CDIN1: variants seen among roughly 807,000 people sequenced by gnomAD.
CDIN1 encodes CDAN1-interacting nuclease 1.
Under a neutral mutation model 45.3 loss-of-function variants are expected in CDIN1, and 33 were observed. The observed-to-expected ratio is 0.73, with a 90% CI of 0.55 to 0.97. The LOEUF (loss-of-function observed/expected upper bound fraction) is 0.97. Ranked by LOEUF, CDIN1 falls within the 50% of genes least tolerant of loss-of-function variation. The pLI is 0.00. For missense variants in CDIN1, 303 were observed against 339.4 expected, an observed-to-expected ratio of 0.89 and a Z score of 0.84; for synonymous variants, 118 against 124.4, an observed-to-expected ratio of 0.95 and a Z score of 0.34.
At chr15:36,757,596 C>G (rs1201957959) in intron 10 of CDIN1, among the ~76,000 whole-genome samples, 1 of 152,092 alleles carries the variant, frequency 6.6e-6, no homozygotes, top group Admixed American at 6.5e-5. Flanking sequence ...TCACAGCAGC[C>G]CGCTCCATCC....
chr15:36,675,518 T>C (rs2041616761), intron 5 of CDIN1, among the ~76,000 whole-genome samples: 1 of 152,154 alleles, frequency 6.6e-6, no homozygotes, highest in African/African-American at 2.4e-5. Context: ...CCCAAGAGTT[T>C]GCAGCATGTC....
At chr15:36,748,601 T>G (rs548243786) in intron 10 of CDIN1, among the ~76,000 whole-genome samples, 1 of 152,256 alleles carries the variant, frequency 6.6e-6, no homozygotes, top group Admixed American at 6.5e-5. Flanking sequence ...TTCCAAGGTC[T>G]CAGATACTTG....
Position 36,716,856 on chromosome 15 carries a change from A to C in CDIN1, c.716+6895A>C, listed in dbSNP as rs117801023. 5.4e-4 allele frequency among the ~76,000 whole-genome samples: 82 copies of C among 152,338 alleles called. 1 individual carries two copies. In the East Asian group the frequency reaches 0.014, roughly 27 times the overall value. On this transcript the variant is annotated intron_variant, in intron 10 of 10. Coordinates refer to ENST00000566621, the MANE Select transcript of CDIN1 (RefSeq NM_001321759.2). The stretch of plus-strand genomic sequence containing the variant: ...AACATTTACAGGCACTGTGTTAGGC[A>C]GTAGGGACTCAGCCCCTGCCTTTGA...
At chr15:36,696,631 A>G (rs1250833401) in intron 7 of CDIN1, 1 of 152,140 alleles carries the variant, frequency 6.6e-6, no homozygotes, top group Non-Finnish European at 1.5e-5. Context: ...ACCTTACCCA[A>G]CTGGCCTCAA....
intron 5 of CDIN1, among the ~76,000 whole-genome samples, chr15:36,659,572 A>G (rs769424929): frequency 8.6e-5 from 13 of 151,170 alleles, no homozygotes; most frequent in Non-Finnish European, 1.6e-4. Flanking sequence ...TTCTTTTATA[A>G]TTGGTTGGGT....
chr15:36,777,857 C>T (rs572185092), intron 10 of CDIN1, among the ~76,000 whole-genome samples: 118 of 152,282 alleles, frequency 7.7e-4, no homozygotes, highest in Non-Finnish European at 1.3e-3. Flanking sequence ...ACCATCTGCC[C>T]GCCTCGGCCT....
At chr15:36,761,940 G>A (rs147638813) in intron 10 of CDIN1, among the ~76,000 whole-genome samples, 2 of 152,298 alleles carry the variant, frequency 1.3e-5, no homozygotes, top group African/African-American at 4.8e-5. Context: ...AATAGCAGCT[G>A]TGACTGTGGA....
intron 1 of CDIN1, among the ~76,000 whole-genome samples, chr15:36,598,682 T>C (rs2037953511): frequency 6.6e-6 from 1 of 152,082 alleles, no homozygotes. Flanking sequence ...CCTCCCTTTC[T>C]ATTTTCCTCT....
intron 5 of CDIN1, among the ~76,000 whole-genome samples, chr15:36,662,492 TC>T (rs2041055452): frequency 7.3e-4 from 1 of 1,368 alleles, no homozygotes; most frequent in East Asian, 0.026. Flanking sequence ...AACCTGAGTT[TC>T]AGTATGCTAG....
At chr15:36,687,778 A>C (rs1283578460) in intron 5 of CDIN1, among the ~76,000 whole-genome samples, 6 of 152,216 alleles carry the variant, frequency 3.9e-5, no homozygotes, top group Admixed American at 1.3e-4. Context: ...GACATATCTG[A>C]ACCTTGCAGC....
At chr15:36,805,251 A>G (rs1176872635) in intron 10 of CDIN1, among the ~76,000 whole-genome samples, 1 of 152,170 alleles carries the variant, frequency 6.6e-6, no homozygotes, top group African/African-American at 2.4e-5. Flanking sequence ...ATAAAATTAT[A>G]GTCAACTTTA....
intron 7 of CDIN1, among the ~76,000 whole-genome samples, chr15:36,693,720 C>T (rs141905911): frequency 2.2e-3 from 337 of 152,204 alleles, no homozygotes; most frequent in African/African-American, 7.6e-3. Flanking sequence ...TTACGGGAAA[C>T]TAGATTGCTG....
At chr15:36,731,826 T>C (rs1373947560) in intron 10 of CDIN1, among the ~76,000 whole-genome samples, 1 of 152,154 alleles carries the variant, frequency 6.6e-6, no homozygotes, top group Non-Finnish European at 1.5e-5. Context: ...TGTATTTCTT[T>C]CCCAGGATTA....
At chr15:36,718,589 T>C (rs1441460229) in intron 10 of CDIN1, among the ~76,000 whole-genome samples, 2 of 152,124 alleles carry the variant, frequency 1.3e-5, no homozygotes, top group Non-Finnish European at 2.9e-5. Flanking sequence ...GATTGAATGA[T>C]GTAAGTACTT....
intron 1 of CDIN1, among the ~76,000 whole-genome samples, chr15:36,602,063 G>A (rs764075868): frequency 5.9e-5 from 9 of 152,182 alleles, no homozygotes; most frequent in Non-Finnish European, 7.4e-5. Flanking sequence ...AAATTATTAT[G>A]TAACAGTAAG....
chr15:36,638,033 AT>A (rs1039477338), intron 1 of CDIN1, among the ~76,000 whole-genome samples: 1 of 152,186 alleles, frequency 6.6e-6, no homozygotes, highest in African/African-American at 2.4e-5. Context: ...AAGTGGTTAT[AT>A]TTTTTTAAAA....
intron 1 of CDIN1, among the ~76,000 whole-genome samples, chr15:36,591,192 T>C (rs2037555586): frequency 1.3e-5 from 2 of 152,200 alleles, no homozygotes. Context: ...GTCATTTGAA[T>C]GTGTCTTCTA....
At chr15:36,759,158 C>A (rs573907790) in intron 10 of CDIN1, among the ~76,000 whole-genome samples, 70 of 152,030 alleles carry the variant, frequency 4.6e-4, no homozygotes, top group African/African-American at 1.6e-3. Context: ...GGGTGCAGGA[C>A]CCCAGCAGTA....
chr15:36,743,208 G>C (rs1158359541), intron 10 of CDIN1, among the ~76,000 whole-genome samples: 2 of 152,128 alleles, frequency 1.3e-5, no homozygotes, highest in East Asian at 3.9e-4. Flanking sequence ...TTTTAATTAG[G>C]GGAGTAGCAT....
Sources: allele counts gnomAD v4.1 joint callset (sites outside exome capture counted in the v4.1 genomes callset), GRCh38; gene constraint gnomAD v4.1.1; transcripts MANE v1.5; gene names NCBI Gene and HGNC (gene_info 2026-07-23, HGNC 2026-07-21).